Variants in GPC3 observed in about 807,000 individuals in gnomAD.
GPC3 encodes the protein glypican-3.
Under a neutral mutation model 34.4 loss-of-function variants are expected in GPC3, and 3 were observed. The observed-to-expected ratio is 0.09, with a 90% CI of 0.04 to 0.23. GPC3 has a LOEUF of 0.23. GPC3 is among the 10% of genes least tolerant of loss of function. The probability of loss-of-function intolerance (pLI) is 1.00; values close to 1 mark genes in which losing one functional copy is unlikely to be tolerated. For missense variants in GPC3, 351 were observed against 445.6 expected, an observed-to-expected ratio of 0.79 and a Z score of 1.91; for synonymous variants, 177 against 174.0, an observed-to-expected ratio of 1.02 and a Z score of -0.13.
At chrX:133,773,162 T>C (rs2124495805) in intron 2 of GPC3, among the ~76,000 whole-genome samples, 1 of 111,496 alleles carries the variant, frequency 9.0e-6, no homozygotes, top group Non-Finnish European at 1.9e-5. Context: ...GAGTTTGAGA[T>C]TCTCCTGCCT....
chrX:133,857,181 C>T (rs1233192421), intron 2 of GPC3, among the ~76,000 whole-genome samples: 1 of 111,531 alleles, frequency 9.0e-6, no homozygotes, highest in South Asian at 3.8e-4. Context: ...TCTAAATCCC[C>T]CTTCTTCTGA....
chrX:133,695,923 T>C (rs181127742), intron 4 of GPC3, among the ~76,000 whole-genome samples: 1 of 112,033 alleles, frequency 8.9e-6, no homozygotes, highest in Non-Finnish European at 1.9e-5. Context: ...GTTCTCTGAG[T>C]TCTTTTTGGT....
chrX:133,862,927 GT>G (rs1365535814), intron 2 of GPC3, among the ~76,000 whole-genome samples: 1 of 112,546 alleles, frequency 8.9e-6, no homozygotes, highest in Non-Finnish European at 1.9e-5. Context: ...GTAGTTTTGA[GT>G]TTGCATACTG....
At chrX:133,743,405 G>T (rs2071582487) in intron 3 of GPC3, among the ~76,000 whole-genome samples, 1 of 112,652 alleles carries the variant, frequency 8.9e-6, no homozygotes, top group Admixed American at 9.4e-5. Context: ...GTAGGGGCAG[G>T]ACGAATGGTC....
At chrX:133,539,072 G>A (rs749480010) in intron 7 of GPC3, among the ~76,000 whole-genome samples, 1 of 106,766 alleles carries the variant, frequency 9.4e-6, no homozygotes, top group Non-Finnish European at 1.9e-5. Flanking sequence ...TTATAGTAAT[G>A]ACCCCCAACT....
At chrX:133,547,224 C>T (rs760135821) in intron 7 of GPC3, among the ~76,000 whole-genome samples, 70 of 111,586 alleles carry the variant, frequency 6.3e-4, no homozygotes, top group Non-Finnish European at 1.1e-3. Context: ...TACCACTGAA[C>T]TGCACACTCA....
chrX:133,934,678 AT>A (rs1399655896), intron 2 of GPC3, among the ~76,000 whole-genome samples: 71 of 101,302 alleles, frequency 7.0e-4, no homozygotes, highest in South Asian at 1.4e-3. Context: ...CACTCAGCTA[AT>A]TTTTTTTTTT....
intron 3 of GPC3, among the ~76,000 whole-genome samples, chrX:133,722,015 T>G (rs888999111): frequency 1.4e-4 from 16 of 110,982 alleles, no homozygotes; most frequent in Non-Finnish European, 2.6e-4. Flanking sequence ...GAATGAGAGA[T>G]AACGTTCTCA....
chrX:133,943,934 T>C (rs890743172), intron 2 of GPC3, among the ~76,000 whole-genome samples: 1 of 111,893 alleles, frequency 8.9e-6, no homozygotes. Flanking sequence ...AGATCTTATA[T>C]CTAAGCAGCT....
chrX:133,919,124 AC>A (rs1356585579), intron 2 of GPC3, among the ~76,000 whole-genome samples: 2 of 111,053 alleles, frequency 1.8e-5, no homozygotes, highest in Non-Finnish European at 3.8e-5. Context: ...AACATTCTAG[AC>A]CCTTTTGCCT....
intron 1 of GPC3, among the ~76,000 whole-genome samples, chrX:133,961,500 T>C (rs2076441348): frequency 8.9e-6 from 1 of 112,052 alleles, no homozygotes; most frequent in Non-Finnish European, 1.9e-5. Flanking sequence ...CCTGGACCAC[T>C]TTACCAACCA....
chrX:133,741,677 A>G (rs1452006377), intron 3 of GPC3, among the ~76,000 whole-genome samples: 5 of 112,776 alleles, frequency 4.4e-5, no homozygotes, highest in Non-Finnish European at 9.4e-5. Context: ...ACTAGGAAAA[A>G]GGTAATGATA....
chrX:133,796,374 A>T (rs2075582267), intron 2 of GPC3, among the ~76,000 whole-genome samples: 4 of 112,569 alleles, frequency 3.6e-5, no homozygotes. Flanking sequence ...ACCATGTATG[A>T]CAAATCCCTA....
chrX:133,921,624 T>G (rs2124614996), intron 2 of GPC3, among the ~76,000 whole-genome samples: 1 of 112,442 alleles, frequency 8.9e-6, no homozygotes, highest in East Asian at 2.8e-4. Context: ...ATTGTGCCTT[T>G]CTTGAAAGAT....
At chrX:133,776,072 C>G (rs1000552654) in intron 2 of GPC3, among the ~76,000 whole-genome samples, 5 of 111,331 alleles carry the variant, frequency 4.5e-5, no homozygotes, top group African/African-American at 1.6e-4. Context: ...ATCAAAGAAG[C>G]CTTTTCCAGT....
intron 7 of GPC3, among the ~76,000 whole-genome samples, chrX:133,559,245 A>T (rs2069521327): frequency 9.0e-6 from 1 of 111,555 alleles, no homozygotes; most frequent in South Asian, 3.8e-4. Flanking sequence ...ACATTTATGG[A>T]TGTCTGAGGA....
At chrX:133,727,721 G>T (rs979662941) in intron 3 of GPC3, among the ~76,000 whole-genome samples, 1 of 111,664 alleles carries the variant, frequency 9.0e-6, no homozygotes, top group African/African-American at 3.3e-5. Flanking sequence ...AATCTCTAAG[G>T]ATCTTGCAAG....
Position 133,922,852 on chromosome X carries a change from T to G in GPC3, c.337+30198A>C, listed in dbSNP as rs922160710. 1.1e-4 allele frequency among the ~76,000 whole-genome samples: 12 copies of G among 111,036 alleles called. No individual in the cohort carries two copies. The South Asian group carries it at 3.1e-3, about 29-fold the overall frequency. ...AGGATGACAGGGGTGACAATAAAGG[T>G]ACCACTGCCACCACCTCCATCCCAC... On this transcript the variant is annotated intron_variant, in intron 2 of 7. Transcript: ENST00000370818.
At chrX:133,804,689 C>T (rs1603250924) in intron 2 of GPC3, among the ~76,000 whole-genome samples, 2 of 111,698 alleles carry the variant, frequency 1.8e-5, no homozygotes, top group Non-Finnish European at 3.8e-5. Context: ...AACATCCCTA[C>T]CTTATGCCTC....
Sources: gnomAD v4.1 joint callset for allele counts (sites outside exome capture counted in the v4.1 genomes callset) on GRCh38, gnomAD v4.1.1 for gene constraint, MANE v1.5 for transcripts, NCBI Gene and HGNC (gene_info 2026-07-23, HGNC 2026-07-21) for gene names.